Variants in TUT7 observed in about 807,000 individuals in gnomAD.
TUT7 encodes the protein terminal uridylyltransferase 7.
TUT7 carries 33 observed loss-of-function variants against 165.9 expected under a neutral mutation model. That is an observed-to-expected ratio of 0.20 (90% CI 0.15 to 0.27). The LOEUF is 0.27. Among genes scored for constraint, TUT7 ranks in the 10% least tolerant of loss-of-function variants. TUT7 has a pLI of 1.00. For synonymous variants in TUT7, 552 were observed against 608.1 expected (o/e 0.91, Z 1.36); for missense variants, 1,338 against 1,762.3 (o/e 0.76, Z 4.31).
chr9:86,297,115 C>T (rs750617245), intron 26 of TUT7, among the ~76,000 whole-genome samples: 12 of 152,072 alleles, frequency 7.9e-5, no homozygotes, highest in East Asian at 7.7e-4. Flanking sequence ...TTACAGAAAT[C>T]GTAACTTACT....
At chr9:86,332,168 C>G (rs1343076944) in intron 10 of TUT7, among the ~76,000 whole-genome samples, 1 of 152,164 alleles carries the variant, frequency 6.6e-6, no homozygotes, top group Non-Finnish European at 1.5e-5. Flanking sequence ...TACCATTCAA[C>G]CCAGCAATCC....
chr9:86,336,613 G>C lies in TUT7; in HGVS notation c.1455+806C>G, dbSNP rs567205254. ...TTGTTAAGAACTCCTTAAATGATGA[G>C]AGAAACTTGTGTGCATTAAGAAAAG... On this transcript the variant is annotated intron_variant, in intron 10 of 26. Coordinates refer to ENST00000375963, the MANE Select transcript of TUT7 (RefSeq NM_024617.4). 2.6e-5 allele frequency among the ~76,000 whole-genome samples: 4 copies of C among 152,290 alleles called. No homozygotes were observed. In the South Asian group the frequency reaches 8.3e-4, roughly 32 times the overall value.
rs1361414375 is a variant in TUT7, at chr9:86,323,505, T to C, written c.2245A>G (p.Lys749Glu). 1.1e-5 allele frequency: 17 copies of C among 1,614,142 alleles called. No homozygotes were observed. Among genetic ancestry groups the C allele is most frequent in the Non-Finnish European group, 1.4e-5 (17 of 1,180,056 alleles). ...CTTCCAACTTTCTCTTTCTCGTTTT[T>C]CCTTCCTGTTTCTGGATGGTATACT... ...DKVYHPETGR[K>E]NEKEKVGRKG... Residue 749 changes from lysine (K) to glutamate (E), a missense_variant, in exon 13 of 27, where the codon AAA becomes GAA. By Grantham distance (56) the Lys-to-Glu change is moderately conservative. This residue lies in a region of TUT7 where 425 missense variants were observed against 474.9 expected (regional missense o/e 0.89). Transcript: ENST00000375963.
chr9:86,348,695 T>G (rs1016734550), intron 2 of TUT7, among the ~76,000 whole-genome samples: 1 of 152,076 alleles, frequency 6.6e-6, no homozygotes, highest in African/African-American at 2.4e-5. Flanking sequence ...GAGGCTGTGG[T>G]GAGTCATGAT....
chr9:86,344,588 CTTTT>C (rs11390352), intron 5 of TUT7, among the ~76,000 whole-genome samples: 1 of 141,732 alleles, frequency 7.1e-6, no homozygotes. Context: ...TAAATAAAAT[CTTTT>C]TTTTTTTTTT....
intron 26 of TUT7, among the ~76,000 whole-genome samples, chr9:86,299,109 G>A (rs916055371): frequency 2.0e-5 from 3 of 152,172 alleles, no homozygotes; most frequent in Non-Finnish European, 4.4e-5. Flanking sequence ...ACAGCGCAAG[G>A]ACATGGTGCA....
At chr9:86,310,256 T>G (rs1025292385) in intron 18 of TUT7, among the ~76,000 whole-genome samples, 10 of 152,036 alleles carry the variant, frequency 6.6e-5, no homozygotes, top group Admixed American at 5.9e-4. Flanking sequence ...TTTAAATAGG[T>G]TTACAGTCTG....
At chr9:86,353,321 A>C in intron 1 of TUT7, 91 bp from the exon 2 acceptor site, 1 of 1,042,962 alleles carries the variant, frequency 9.6e-7, no homozygotes, top group Non-Finnish European at 1.3e-6. Flanking sequence ...AGATGCCCCA[A>C]AGCCTGTAAG....
chr9:86,312,051 G>A (rs1828150237), intron 17 of TUT7, among the ~76,000 whole-genome samples: 1 of 152,214 alleles, frequency 6.6e-6, no homozygotes, highest in Admixed American at 6.5e-5. Flanking sequence ...CCCCGTCTGG[G>A]AAGTGAGGAG....
chr9:86,320,378 A>G (rs1339253063), intron 14 of TUT7, among the ~76,000 whole-genome samples: 1 of 152,136 alleles, frequency 6.6e-6, no homozygotes, highest in Admixed American at 6.5e-5. Context: ...TATCCTTTAA[A>G]TATTTTCTTT....
intron 9 of TUT7, 44 bp downstream of exon 9, chr9:86,338,779 A>C: frequency 6.7e-7 from 1 of 1,497,456 alleles, no homozygotes; most frequent in East Asian, 2.5e-5. Context: ...CATACTGCTT[A>C]TACATATGTA....
chr9:86,302,004 A>G (rs946235215), intron 25 of TUT7, among the ~76,000 whole-genome samples: 1 of 152,208 alleles, frequency 6.6e-6, no homozygotes, highest in Non-Finnish European at 1.5e-5. Flanking sequence ...TAAATTCACA[A>G]AGGAACAATG....
chr9:86,317,559 C>A lies in TUT7; in HGVS notation c.3217-283G>T, dbSNP rs550054299. 7.9e-5 allele frequency among the ~76,000 whole-genome samples: 12 copies of A among 152,254 alleles called. No homozygotes were observed. In the South Asian group the frequency reaches 1.5e-3, roughly 18 times the overall value. ...TAGGGCTTCCAAAAAAGTCTCTGAA[C>A]CATGGTTGAGGACCTTCATTTCTTC... On this transcript the variant is annotated intron_variant, in intron 16 of 26. Transcript: ENST00000375963.
chr9:86,337,558 A>C lies in TUT7; in HGVS notation c.1336-20T>G. The C allele has an allele frequency of 6.3e-7, 1 of 1,586,396 alleles. No individual in the cohort carries two copies. ...GCAAAGCTACAAACAAGAGAAAAGA[A>C]AGTTAAGCATTCTTTTTGTATGAAT... On this transcript the variant is annotated intron_variant, in intron 9 of 26. Coordinates refer to ENST00000375963, the MANE Select transcript of TUT7 (RefSeq NM_024617.4).
chr9:86,331,160 A>G (rs1830277618), intron 10 of TUT7, among the ~76,000 whole-genome samples: 1 of 152,178 alleles, frequency 6.6e-6, no homozygotes, highest in African/African-American at 2.4e-5. Flanking sequence ...GAACCAGCAT[A>G]GGCCCTCCTC....
At position 86,288,656 on chromosome 9, in the gene TUT7, G is replaced by GACTA; in HGVS notation, c.*20_*21insTAGT. ...ATAGGAACGCCTGAGTGGCCATTTA[G>GACTA]AGTGCTGCATTTTCCTTCCCTCATG... On this transcript the variant is annotated 3_prime_UTR_variant, in exon 27 of 27. Transcript: ENST00000375963. 6.2e-7 allele frequency: 1 copy of GACTA among 1,608,572 alleles called. No individual in the cohort carries two copies. The highest frequency in any genetic ancestry group is 1.7e-5 in the Admixed American group (1 of 59,984).
intron 4 of TUT7, 39 bp from the exon 5 acceptor site, chr9:86,345,193 CAT>C: frequency 6.3e-7 from 1 of 1,576,304 alleles, no homozygotes; most frequent in Non-Finnish European, 8.6e-7. Context: ...ATGACTTACA[CAT>C]AGTTTTGACC....
intron 22 of TUT7, among the ~76,000 whole-genome samples, chr9:86,308,167 T>C (rs1827697965): frequency 6.6e-6 from 1 of 152,192 alleles, no homozygotes; most frequent in Non-Finnish European, 1.5e-5. Flanking sequence ...TCCCACTTTC[T>C]TGAAGCTGCC....
In TUT7 at chr9:86,323,331, C is replaced by A. The variant is rs781764595; in HGVS notation, c.2419G>T (p.Asp807Tyr). ...AKECEGLATL[D>Y]NKADLDGEST... Reference sequence around the variant, plus strand: ...TCTCCATCAAGATCAGCCTTGTTATCTAAAGTGGCAAGTCCCTCACACTCT... The same window carrying A: ...TCTCCATCAAGATCAGCCTTGTTATATAAAGTGGCAAGTCCCTCACACTCT... Residue 807 changes from aspartate to tyrosine, a missense_variant, in exon 13 of 27, where the codon GAT becomes TAT. By Grantham distance (160) the Asp-to-Tyr change is radical. Coordinates refer to ENST00000375963, the MANE Select transcript of TUT7 (RefSeq NM_024617.4). 1.2e-6 allele frequency: 2 copies of A among 1,614,008 alleles called. No homozygotes were observed. Among genetic ancestry groups the A allele is most frequent in the Non-Finnish European group, 8.5e-7 (1 of 1,180,030 alleles).
Sources: allele counts gnomAD v4.1 joint callset (sites outside exome capture counted in the v4.1 genomes callset), GRCh38; gene constraint gnomAD v4.1.1; regional missense constraint gnomAD v4.1.1; transcripts MANE v1.5; gene names NCBI Gene and HGNC (gene_info 2026-07-23, HGNC 2026-07-21).